The following FUT8 variants were observed in gnomAD, a reference collection of about 807,000 sequenced individuals.
FUT8 encodes fucosyltransferase 8.
A neutral mutation model predicts 71.3 loss-of-function variants in FUT8; 29 were observed. The ratio of observed to expected loss-of-function variants is 0.41; its 90% CI spans 0.30 to 0.55. The LOEUF (loss-of-function observed/expected upper bound fraction) is 0.55. Ranked by LOEUF, FUT8 falls within the 20% of genes least tolerant of loss-of-function variation. The pLI, the probability that FUT8 is intolerant of heterozygous loss-of-function variation, is 0.34. For synonymous variants in FUT8, 254 were observed against 239.3 expected, an observed-to-expected ratio of 1.06 and a Z score of -0.57; for missense variants, 544 against 702.1, an observed-to-expected ratio of 0.77 and a Z score of 2.55.
intron 2 of FUT8, among the ~76,000 whole-genome samples, chr14:65,557,473 A>G (rs1193558993): frequency 2.0e-5 from 3 of 151,718 alleles, no homozygotes; most frequent in Non-Finnish European, 4.4e-5. Context: ...CTGGGATTAT[A>G]GGCACCCACC....
chr14:65,397,607 C>T, the FUT8 span, among the ~76,000 whole-genome samples: 3,818 of 152,230 alleles, frequency 0.025, 104 homozygotes, highest in East Asian at 0.093. This position sits in a 1 kb window ranked among gnomAD's most constrained non-coding sequence, Gnocchi z 4.2. Flanking sequence ...TGTGTCTGTG[C>T]GTGTGTGTGT....
intron 6 of FUT8, among the ~76,000 whole-genome samples, chr14:65,634,986 T>C (rs1366994527): frequency 6.6e-6 from 1 of 152,228 alleles, no homozygotes; most frequent in East Asian, 1.9e-4. Context: ...TTCCATTTGT[T>C]TGTGTCATCT....
chr14:65,428,087 C>T (rs2065416294), intron 1 of FUT8, among the ~76,000 whole-genome samples: 1 of 152,154 alleles, frequency 6.6e-6, no homozygotes. Flanking sequence ...AACCACTTGT[C>T]CCCTCTCGGC....
At chr14:65,402,271 C>T in the FUT8 span, among the ~76,000 whole-genome samples, 2 of 139,644 alleles carry the variant, frequency 1.4e-5, no homozygotes, top group Non-Finnish European at 3.0e-5. Context: ...TGCATGAACA[C>T]AGCTCTCTGC....
chr14:65,412,847 C>A lies in FUT8; in HGVS notation c.-693C>A, dbSNP rs1181274296. Reference sequence around the variant, plus strand: ...ACCCGAGCAGCCGGTTCCCTCCTCTCCAGGCCCCCTCCCCATCCCACCCCC... The same window carrying A: ...ACCCGAGCAGCCGGTTCCCTCCTCTACAGGCCCCCTCCCCATCCCACCCCC... On this transcript the variant is annotated 5_prime_UTR_variant, in exon 1 of 11. Transcript: ENST00000673929. Among the ~76,000 whole-genome samples, 2 of 152,198 alleles carry A rather than the reference C, an allele frequency of 1.3e-5. No homozygotes were observed. The highest frequency in any genetic ancestry group is 1.3e-4 in the Admixed American group (2 of 15,290).
chr14:65,440,682 T>C (rs1230087541), intron 1 of FUT8, among the ~76,000 whole-genome samples: 1 of 152,158 alleles, frequency 6.6e-6, no homozygotes, highest in Non-Finnish European at 1.5e-5. Flanking sequence ...GGAGTTCCTC[T>C]TGTGGGAAAA....
chr14:65,666,468 C>G (rs61988021), intron 6 of FUT8, among the ~76,000 whole-genome samples: 8,881 of 152,202 alleles, frequency 0.058, 308 homozygotes, highest in Admixed American at 0.11. Flanking sequence ...TACAACCTCC[C>G]AAGACTGAAC....
chr14:65,605,760 TCTCA>T (rs56312476), intron 3 of FUT8, among the ~76,000 whole-genome samples: 8,985 of 152,016 alleles, frequency 0.059, 424 homozygotes, highest in Admixed American at 0.11. Flanking sequence ...TGCATCCTTA[TCTCA>T]CTCAGTATCA....
the FUT8 span, among the ~76,000 whole-genome samples, chr14:65,402,849 C>T: frequency 6.6e-6 from 1 of 152,084 alleles, no homozygotes; most frequent in African/African-American, 2.4e-5. Flanking sequence ...ACAAGTTAAC[C>T]CCACTTGACC....
At chr14:65,507,408 T>C (rs1208987981) in intron 2 of FUT8, among the ~76,000 whole-genome samples, 1 of 152,204 alleles carries the variant, frequency 6.6e-6, no homozygotes, top group East Asian at 1.9e-4. Context: ...TCTTATTCAT[T>C]CATCCTGTTT....
chr14:65,639,836 A>G (rs1429209205), intron 6 of FUT8, among the ~76,000 whole-genome samples: 1 of 152,084 alleles, frequency 6.6e-6, no homozygotes, highest in African/African-American at 2.4e-5. Context: ...TTATAATTTC[A>G]TTTGTATTTA....
rs184185181 is a variant in FUT8 at position 65,691,271 on chromosome 14, C to T, written c.835+21791C>T. Among the ~76,000 whole-genome samples the T allele has an allele frequency of 4.6e-5, 7 of 151,092 alleles. 1 individual carries two copies. The highest frequency in any genetic ancestry group is 7.3e-5 in the Non-Finnish European group (5 of 68,030). On this transcript the variant is annotated intron_variant, in intron 7 of 10. Coordinates refer to ENST00000673929, the MANE Select transcript of FUT8 (RefSeq NM_001371533.1). ...TTATTCCATTGACTTCTGCTACTGACTGATTCCTTTTATTTTTAGTGTTAC... is the reference window on the plus strand; with the variant it reads ...TTATTCCATTGACTTCTGCTACTGATTGATTCCTTTTATTTTTAGTGTTAC...
intron 2 of FUT8, among the ~76,000 whole-genome samples, chr14:65,527,619 G>A (rs571499817): frequency 1.1e-4 from 17 of 152,200 alleles, no homozygotes; most frequent in Non-Finnish European, 1.6e-4. Flanking sequence ...GAGGGGGAGA[G>A]GCGCTCTGAT....
the FUT8 span, among the ~76,000 whole-genome samples, chr14:65,393,835 A>T: frequency 6.6e-6 from 1 of 152,210 alleles, no homozygotes; most frequent in East Asian, 1.9e-4. Flanking sequence ...GAGAGATTTA[A>T]TGGACTCACA....
intron 2 of FUT8, among the ~76,000 whole-genome samples, chr14:65,495,957 G>C (rs1030640042): frequency 6.6e-6 from 1 of 152,104 alleles, no homozygotes; most frequent in African/African-American, 2.4e-5. Context: ...TTTTAGGAAA[G>C]TGTAGTGTTT....
intron 3 of FUT8, among the ~76,000 whole-genome samples, chr14:65,582,771 G>C (rs540874185): frequency 1.3e-5 from 2 of 152,164 alleles, no homozygotes; most frequent in Non-Finnish European, 2.9e-5. Flanking sequence ...ATAGTGTTTA[G>C]AATCTGGCGT....
At chr14:65,361,515 C>T in the FUT8 span, among the ~76,000 whole-genome samples, 5 of 150,296 alleles carry the variant, frequency 3.3e-5, no homozygotes, top group South Asian at 2.1e-4. Flanking sequence ...TGGCCGGGTG[C>T]GGTGGCTTGC....
intron 3 of FUT8, among the ~76,000 whole-genome samples, chr14:65,614,422 G>A (rs999001544): frequency 1.3e-5 from 2 of 152,102 alleles, no homozygotes; most frequent in Non-Finnish European, 2.9e-5. Flanking sequence ...ATTTCCTATT[G>A]CTGCTTTGAC....
the FUT8 span, among the ~76,000 whole-genome samples, chr14:65,395,474 T>C: frequency 6.6e-6 from 1 of 152,212 alleles, no homozygotes; most frequent in Admixed American, 6.5e-5. Flanking sequence ...AAACCTCAAT[T>C]CTTGATTTCT....
Sources: gnomAD v4.1 joint callset for allele counts (sites outside exome capture counted in the v4.1 genomes callset) on GRCh38, gnomAD v4.1.1 for gene constraint, Gnocchi (gnomAD v3.1) non-coding constraint, MANE v1.5 for transcripts, NCBI Gene and HGNC (gene_info 2026-07-23, HGNC 2026-07-21) for gene names.